The following PHYKPL variants were observed in gnomAD, a reference collection of about 807,000 sequenced individuals.
The protein encoded by PHYKPL is 5-phosphohydroxy-L-lysine phospho-lyase.
Under a neutral mutation model 51.3 loss-of-function variants are expected in PHYKPL, and 42 were observed. That is an observed-to-expected ratio of 0.82 (90% CI 0.64 to 1.06). The LOEUF (loss-of-function observed/expected upper bound fraction) is 1.06. Among genes scored for constraint, PHYKPL ranks in the 50% least tolerant of loss-of-function variants. The pLI is 0.00. For missense variants in PHYKPL, 655 were observed against 586.6 expected (o/e 1.12, Z -1.20); for synonymous variants, 264 against 236.0 (o/e 1.12, Z -1.09).
chr5:178,209,705 G>A (rs927142813), intron 12 of PHYKPL, among the ~76,000 whole-genome samples: 100 of 152,148 alleles, frequency 6.6e-4, no homozygotes, highest in African/African-American at 2.3e-3. Flanking sequence ...GATGTGATGG[G>A]TGTCTTGGCT....
intron 1 of PHYKPL, chr5:178,231,863 G>C (rs745624313): frequency 5.2e-6 from 7 of 1,333,880 alleles, no homozygotes; most frequent in Non-Finnish European, 6.9e-6. Flanking sequence ...ATAAGGCCGC[G>C]TGTCTTCGAT....
intron 1 of PHYKPL, chr5:178,231,880 G>A: frequency 7.5e-7 from 1 of 1,326,694 alleles, no homozygotes; most frequent in Non-Finnish European, 1.0e-6. Flanking sequence ...CGATGGGATG[G>A]GCCAGGGCAC....
intron 11 of PHYKPL, 50 bp from the exon 12 acceptor site, chr5:178,212,020 A>AGAT (rs1324710397): frequency 6.2e-7 from 1 of 1,604,102 alleles, no homozygotes; most frequent in Non-Finnish European, 8.5e-7. Context: ...TCTCTGCTGA[A>AGAT]GATGCCCTGT....
intron 3 of PHYKPL, among the ~76,000 whole-genome samples, chr5:178,227,157 T>G (rs75616150): frequency 0.077 from 11,736 of 151,878 alleles, 615 homozygotes; most frequent in Non-Finnish European, 0.11. Flanking sequence ...GAGAGGTGAT[T>G]ACATTAAGAT....
intron 3 of PHYKPL, chr5:178,229,600 T>G (rs1284533224): frequency 9.7e-6 from 2 of 206,156 alleles, no homozygotes; most frequent in African/African-American, 2.3e-5. Context: ...ATTCTGTATT[T>G]CTTTGAAGAA....
chr5:178,209,522 C>T, intron 12 of PHYKPL: 1 of 1,300,534 alleles, frequency 7.7e-7, no homozygotes, highest in African/African-American at 1.4e-5. Context: ...CTTGGGGCTC[C>T]CTCTGGTGCT....
chr5:178,227,789 A>G lies in PHYKPL; in HGVS notation c.338+2151T>C, dbSNP rs1036929114. Among the ~76,000 whole-genome samples the G allele has an allele frequency of 3.7e-4, 56 of 152,188 alleles. 1 individual carries two copies. The highest frequency in any genetic ancestry group is 3.7e-3 in the Admixed American group (56 of 15,284). ...TGGAGTTGACAAGAATAAAAGTAGA[A>G]GGAGAAGACCAAGGAGGAGGACGCC... On this transcript the variant is annotated intron_variant, in intron 3 of 12. Transcript: ENST00000308158.
chr5:178,207,691 C>CTTTTTTT (rs34424574), downstream of PHYKPL, among the ~76,000 whole-genome samples: 36 of 78,754 alleles, frequency 4.6e-4, no homozygotes, highest in African/African-American at 1.0e-3. Flanking sequence ...ACTTTGAGCA[C>CTTTTTTT]TTTTTTTTTT....
In PHYKPL at chr5:178,231,472, G is replaced by C; in HGVS notation, c.111C>G (p.Ala37=). 1 of 1,614,184 alleles carries C rather than the reference G, an allele frequency of 6.2e-7. No homozygotes were observed. The highest frequency in any genetic ancestry group is 8.5e-7 in the Non-Finnish European group (1 of 1,180,040). ...FPEDPVKIVR[A]QGQYMYDEQG... ...GTTCATCGTACATGTACTGCCCTTG[G>C]GCCCGGACAATCTTAACAGGATCCT... Residue 37 remains alanine (A), a synonymous_variant, in exon 2 of 13, where the codon GCC becomes GCG. Coordinates refer to ENST00000308158, the MANE Select transcript of PHYKPL (RefSeq NM_153373.4).
chr5:178,210,760 G>A, intron 12 of PHYKPL: 1 of 701,592 alleles, frequency 1.4e-6, no homozygotes, highest in South Asian at 1.6e-5. Flanking sequence ...TTTCCCCCAT[G>A]GAAATCACTC....
chr5:178,210,296 C>T (rs1157847345), intron 12 of PHYKPL: 53 of 1,613,852 alleles, frequency 3.3e-5, no homozygotes, highest in East Asian at 6.7e-5. Context: ...AGGGAGGCCC[C>T]ATCCGCTCAC....
intron 2 of PHYKPL, 146 bp downstream of exon 2, chr5:178,231,259 C>T (rs959285746): frequency 9.1e-5 from 123 of 1,357,810 alleles, no homozygotes; most frequent in Middle Eastern, 2.6e-4. Context: ...AGCTATATTG[C>T]GAAGGCTGAG....
chr5:178,222,435 C>T lies in PHYKPL; in HGVS notation c.847G>A (p.Gly283Ser), dbSNP rs750375739. 26 of 1,614,136 alleles carry T rather than the reference C, an allele frequency of 1.6e-5. No homozygotes were observed. Among genetic ancestry groups the T allele is most frequent in the Middle Eastern group, 1.6e-4 (1 of 6,084 alleles). ...GCGGCCACGCAGGCAACAGGGTGGC[C>T]GTTGCCAATGGACTTGCCCATGGTG... ...IVTMGKSIGN[G>S]HPVACVAATQ... The change falls in exon 8 of 13, where the codon GGC becomes AGC. Residue 283 changes from glycine (G) to serine (S), a missense_variant. Physicochemically the swap from Gly to Ser is moderately conservative, Grantham distance 56. Coordinates refer to ENST00000308158, the MANE Select transcript of PHYKPL (RefSeq NM_153373.4).
intron 12 of PHYKPL, chr5:178,211,601 G>A (rs559938894): frequency 5.4e-5 from 18 of 332,918 alleles, no homozygotes; most frequent in Admixed American, 3.7e-4. Context: ...CCAACTCCAG[G>A]TCTGGTATTT....
rs371488989 is a variant in PHYKPL at position 178,215,287 on chromosome 5, G to A, written c.1071C>T (p.Val357=). ...LGQQKIKHPI[V]GDVRGVGLFI... ...CCCCAGAGCCTCACCTGACATCCCC[G>A]ACGATGGGATGTTTGATTTTTTGCT... The change falls in exon 9 of 13, where the codon GTC becomes GTT. Residue 357 remains valine, a synonymous_variant. Transcript: ENST00000308158. The A allele has an allele frequency of 8.7e-6, 14 of 1,613,930 alleles. 1 individual carries two copies. The highest frequency in any genetic ancestry group is 7.7e-5 in the South Asian group (7 of 91,086).
chr5:178,231,376 G>T, intron 2 of PHYKPL, 29 bp downstream of exon 2: 1 of 1,614,066 alleles, frequency 6.2e-7, no homozygotes, highest in African/African-American at 1.3e-5. Flanking sequence ...TTCCTCTCCT[G>T]CCCTGCCAGC....
Position 178,225,895 on chromosome 5 carries a change from GC to G in PHYKPL, c.339-467del, listed in dbSNP as rs1349153938. On this transcript the variant is annotated intron_variant, in intron 3 of 12. Coordinates refer to ENST00000308158, the MANE Select transcript of PHYKPL (RefSeq NM_153373.4). Reference sequence around the variant, plus strand: ...AGATCCCACAGCATGAGGGCTCAATGCCCAAGCTGCCCCACAGCCCCCTGGG... The same window carrying G: ...AGATCCCACAGCATGAGGGCTCAATGCCAAGCTGCCCCACAGCCCCCTGGG... 7 of 165,830 alleles carry G rather than the reference GC, an allele frequency of 4.2e-5. No homozygotes were observed. The East Asian group carries it at 1.2e-3, about 27-fold the overall frequency. 10.3% of individuals were successfully genotyped at this position (165,830 alleles called of 1,614,324 possible). A position where few individuals can be genotyped will look rare whatever the true frequency, so the allele number is the denominator to read the frequency against.
intron 2 of PHYKPL, 115 bp downstream of exon 2, chr5:178,231,290 T>C: frequency 6.6e-7 from 1 of 1,525,134 alleles, no homozygotes; most frequent in South Asian, 1.2e-5. Flanking sequence ...ATACTGACAG[T>C]GCCTCAACTC....
rs376328621 is a variant in PHYKPL at position 178,212,947 on chromosome 5, T to C, written c.1303+26A>G. On this transcript the variant is annotated intron_variant, in intron 11 of 12. Transcript: ENST00000308158. Reference sequence around the variant, plus strand: ...GGCTTCAGGCTGAGTTCTAGAGATATGGCCAAGCTCAGGCTTCAAGCTCAC... The same window carrying C: ...GGCTTCAGGCTGAGTTCTAGAGATACGGCCAAGCTCAGGCTTCAAGCTCAC... The C allele has an allele frequency of 3.6e-5, 58 of 1,612,700 alleles. 1 individual carries two copies. Among genetic ancestry groups the C allele is most frequent in the Middle Eastern group, 3.3e-4 (2 of 6,054 alleles).
Sources: allele counts gnomAD v4.1 joint callset (sites outside exome capture counted in the v4.1 genomes callset), GRCh38; gene constraint gnomAD v4.1.1; transcripts MANE v1.5; gene names NCBI Gene and HGNC (gene_info 2026-07-23, HGNC 2026-07-21).